EXOC2: variants seen among roughly 807,000 people sequenced by gnomAD.
EXOC2 encodes exocyst complex component 2, also known as SEC5-like 1.
Under a neutral mutation model 131.8 loss-of-function variants are expected in EXOC2, and 70 were observed. The observed-to-expected ratio is 0.53, with a 90% CI of 0.44 to 0.65. The LOEUF (loss-of-function observed/expected upper bound fraction) is 0.65, where lower values mean the gene tolerates loss of function less well. Ranked by LOEUF, EXOC2 falls within the 30% of genes least tolerant of loss-of-function variation. The pLI is 0.00. For missense variants in EXOC2, 923 were observed against 1,108.6 expected (o/e 0.83, Z 2.38); for synonymous variants, 411 against 398.4 (o/e 1.03, Z -0.38).
Position 493,322 on chromosome 6 carries a change from A to G in EXOC2, c.2560-2136T>C, listed in dbSNP as rs77186108. Among the ~76,000 whole-genome samples the G allele has an allele frequency of 9.2e-5, 14 of 152,358 alleles. No homozygotes were observed. In the East Asian group the frequency reaches 2.7e-3, roughly 29 times the overall value. On this transcript the variant is annotated intron_variant, in intron 25 of 27. Transcript: ENST00000230449. ...ATAACTAGAAAGTTACAAATGCTAG[A>G]AAGTATGACAATTTCTGTCTCTATT...
intron 23 of EXOC2, among the ~76,000 whole-genome samples, chr6:527,853 T>A (rs1765835246): frequency 6.6e-6 from 1 of 151,914 alleles, no homozygotes. Flanking sequence ...TTTAAATTTT[T>A]ATGACTTTTT....
At chr6:590,133 C>T (rs1442472627) in intron 11 of EXOC2, among the ~76,000 whole-genome samples, 8 of 150,572 alleles carry the variant, frequency 5.3e-5, no homozygotes, top group African/African-American at 2.0e-4. Flanking sequence ...AAAAAAAAAT[C>T]CCCAGTGGAC....
At chr6:501,654 G>T (rs116498958) in intron 23 of EXOC2, among the ~76,000 whole-genome samples, 2,206 of 89,666 alleles carry the variant, frequency 0.025, 87 homozygotes, top group African/African-American at 0.038. Context: ...TATATAGATA[G>T]ATATATCTAT....
intron 26 of EXOC2, among the ~76,000 whole-genome samples, chr6:490,350 T>G (rs987943701): frequency 6.6e-6 from 1 of 152,158 alleles, no homozygotes; most frequent in South Asian, 2.1e-4. Flanking sequence ...GTTAGTATGT[T>G]GTACAGACAA....
chr6:540,228 T>C (rs146999048), intron 22 of EXOC2, among the ~76,000 whole-genome samples: 169 of 152,312 alleles, frequency 1.1e-3, no homozygotes, highest in African/African-American at 3.8e-3. Flanking sequence ...GTGCAGGGAT[T>C]ACAGGCAGGA....
intron 13 of EXOC2, among the ~76,000 whole-genome samples, chr6:572,244 C>T (rs1554130693): frequency 6.6e-6 from 1 of 152,150 alleles, no homozygotes; most frequent in Non-Finnish European, 1.5e-5. Context: ...TTCGAGCTTT[C>T]TTTTTTCTTT....
chr6:538,917 C>T lies in EXOC2; in HGVS notation c.2239-6307G>A, dbSNP rs548773161. 2.0e-3 allele frequency among the ~76,000 whole-genome samples: 301 copies of T among 152,000 alleles called. 2 individuals carry two copies. The highest frequency in any genetic ancestry group is 6.9e-3 in the African/African-American group (286 of 41,450). On this transcript the variant is annotated intron_variant, in intron 22 of 27. Transcript: ENST00000230449. ...TGAAACCCTGTCTCTACTAAAAATA[C>T]GAAAATTAGCCGGCTGTGGTGACAG...
chr6:497,780 C>G (rs1313287027), intron 24 of EXOC2, among the ~76,000 whole-genome samples: 1 of 152,100 alleles, frequency 6.6e-6, no homozygotes, highest in African/African-American at 2.4e-5. Context: ...TGCCTCTTGC[C>G]CCTTTCACTG....
chr6:547,267 G>C (rs950664938), intron 22 of EXOC2, among the ~76,000 whole-genome samples: 1 of 152,236 alleles, frequency 6.6e-6, no homozygotes, highest in African/African-American at 2.4e-5. Context: ...AACAGGTGAA[G>C]GGAATGAAAA....
intron 23 of EXOC2, among the ~76,000 whole-genome samples, chr6:526,049 T>C (rs556476512): frequency 1.2e-4 from 18 of 152,376 alleles, no homozygotes; most frequent in African/African-American, 4.3e-4. Context: ...TGTACATAAT[T>C]CTTTACTTAC....
intron 4 of EXOC2, among the ~76,000 whole-genome samples, chr6:629,146 C>A (rs1037852303): frequency 6.6e-6 from 1 of 152,196 alleles, no homozygotes; most frequent in African/African-American, 2.4e-5. Flanking sequence ...AAAGTATTAA[C>A]AGTGCTAATT....
intron 10 of EXOC2, 88 bp downstream of exon 10, chr6:597,933 G>T: frequency 1.1e-6 from 1 of 877,546 alleles, no homozygotes; most frequent in Admixed American, 2.5e-5. Context: ...ATCTCCTAAA[G>T]TCCCTCAAGT....
intron 23 of EXOC2, among the ~76,000 whole-genome samples, chr6:518,698 A>G (rs969178097): frequency 5.3e-5 from 8 of 152,248 alleles, no homozygotes; most frequent in African/African-American, 1.9e-4. Flanking sequence ...CAAACAGCTT[A>G]TAAAGAAGAA....
At chr6:571,744 G>A (rs531148943) in intron 13 of EXOC2, among the ~76,000 whole-genome samples, 2 of 152,322 alleles carry the variant, frequency 1.3e-5, no homozygotes, top group East Asian at 3.9e-4. Context: ...AGAGCTCTTG[G>A]TGTAGAGTCG....
intron 4 of EXOC2, among the ~76,000 whole-genome samples, chr6:629,148 G>T (rs1274528841): frequency 6.6e-6 from 1 of 152,160 alleles, no homozygotes; most frequent in African/African-American, 2.4e-5. Flanking sequence ...AGTATTAACA[G>T]TGCTAATTTG....
intron 4 of EXOC2, among the ~76,000 whole-genome samples, chr6:620,404 G>A (rs557849757): frequency 3.9e-5 from 6 of 152,280 alleles, no homozygotes; most frequent in Admixed American, 3.3e-4. Flanking sequence ...GGACTATACT[G>A]TCTCGCATGT....
chr6:510,343 T>C (rs544997106), intron 23 of EXOC2, among the ~76,000 whole-genome samples: 1 of 152,336 alleles, frequency 6.6e-6, no homozygotes, highest in Non-Finnish European at 1.5e-5. Flanking sequence ...AATGGGTACC[T>C]TCGCCCTCTC....
In EXOC2 at chr6:497,352, G is replaced by A. The variant is rs1376098993; in HGVS notation, c.2559+15C>T. The A allele has an allele frequency of 6.2e-7, 1 of 1,610,158 alleles. No homozygotes were observed. On this transcript the variant is annotated intron_variant, in intron 25 of 27. Transcript: ENST00000230449. The stretch of plus-strand genomic sequence containing the variant: ...AACAACAGAAGTTCAATATGAAATT[G>A]AATGATTTTGTTACCTGTAAAGCTC...
chr6:610,687 A>G (rs1760669004), intron 6 of EXOC2, among the ~76,000 whole-genome samples: 1 of 152,250 alleles, frequency 6.6e-6, no homozygotes, highest in Admixed American at 6.5e-5. Context: ...AGCATTTCAG[A>G]TAATTGGTCA....
Sources: gnomAD v4.1 joint callset for allele counts (sites outside exome capture counted in the v4.1 genomes callset) on GRCh38, gnomAD v4.1.1 for gene constraint, MANE v1.5 for transcripts, NCBI Gene and HGNC (gene_info 2026-07-23, HGNC 2026-07-21) for gene names.